GKAP1: variants seen among roughly 807,000 people sequenced by gnomAD.
The protein encoded by GKAP1 is G kinase-anchoring protein 1.
A neutral mutation model predicts 56.7 loss-of-function variants in GKAP1; 31 were observed. The ratio of observed to expected loss-of-function variants is 0.55; its 90% CI spans 0.41 to 0.74. The LOEUF is 0.74. Ranked by LOEUF, GKAP1 falls within the 30% of genes least tolerant of loss-of-function variation. The pLI is 0.00. For synonymous variants in GKAP1, 151 were observed against 138.6 expected (o/e 1.09, Z -0.63); for missense variants, 364 against 402.3 (o/e 0.90, Z 0.82).
chr9:83,806,279 G>T (rs1298251604), intron 3 of GKAP1, 23 bp downstream of exon 3: 9 of 1,458,020 alleles, frequency 6.2e-6, no homozygotes, highest in South Asian at 1.2e-5. Context: ...TGGGAAAGCA[G>T]ACAACACAGA....
At chr9:83,767,365 T>A (rs1362090674) in intron 8 of GKAP1, among the ~76,000 whole-genome samples, 1 of 148,060 alleles carries the variant, frequency 6.8e-6, no homozygotes, top group African/African-American at 2.5e-5. Flanking sequence ...TGTCACATAT[T>A]TTTTTTTTTT....
At chr9:83,802,512 T>C (rs900292528) in intron 3 of GKAP1, among the ~76,000 whole-genome samples, 1 of 147,918 alleles carries the variant, frequency 6.8e-6, no homozygotes, top group African/African-American at 2.5e-5. Context: ...GACCATCGAA[T>C]GCATAAAAAT....
Position 83,791,450 on chromosome 9 carries a change from T to A in GKAP1, c.361-2772A>T, listed in dbSNP as rs180833594. 1.2e-3 allele frequency among the ~76,000 whole-genome samples: 175 copies of A among 151,648 alleles called. 1 individual carries two copies. Among genetic ancestry groups the A allele is most frequent in the Non-Finnish European group, 4.9e-4 (33 of 67,878 alleles). ...AAATAGAAATTTTAAAGTAAAAACA[T>A]ATGGCCCTCCCAGCAACTGATTCTA... is the stretch of plus-strand genomic sequence containing the variant. On this transcript the variant is annotated intron_variant, in intron 4 of 12. Transcript: ENST00000376371.
At chr9:83,792,656 C>G (rs1018629835) in intron 4 of GKAP1, among the ~76,000 whole-genome samples, 1 of 152,132 alleles carries the variant, frequency 6.6e-6, no homozygotes, top group Non-Finnish European at 1.5e-5. Flanking sequence ...TCAAAATTCT[C>G]TAAACATATC....
Position 83,752,682 on chromosome 9 carries a change from T to C in GKAP1, c.840+576A>G, listed in dbSNP as rs530149592. ...TAAAGGTACTTAATGCCCCACTGAATTGTACACTTTAAATGGTTATGTTAT... is the reference window on the plus strand; with the variant it reads ...TAAAGGTACTTAATGCCCCACTGAACTGTACACTTTAAATGGTTATGTTAT... On this transcript the variant is annotated intron_variant, in intron 9 of 12. Transcript: ENST00000376371. Among the ~76,000 whole-genome samples, 6 of 152,208 alleles carry C rather than the reference T, an allele frequency of 3.9e-5. No individual in the cohort carries two copies. In the East Asian group the frequency reaches 9.6e-4, roughly 24 times the overall value.
chr9:83,770,891 A>C (rs1344652193), intron 7 of GKAP1, among the ~76,000 whole-genome samples: 1 of 152,056 alleles, frequency 6.6e-6, no homozygotes, highest in Non-Finnish European at 1.5e-5. Context: ...TTTTTATATA[A>C]ATTCCACATG....
chr9:83,806,384 A>G lies in GKAP1; in HGVS notation c.134T>C (p.Leu45Ser), dbSNP rs1944440352. ...KGRNTGKSQT[L>S]GSKSTTNEKK... Reference sequence around the variant, plus strand: ...CTCATTTGTAGTTGACTTGCTTCCTAAAGTTTGAGACTTTCCAGTATTTCG... The same window carrying G: ...CTCATTTGTAGTTGACTTGCTTCCTGAAGTTTGAGACTTTCCAGTATTTCG... Residue 45 changes from leucine (L) to serine (S), a missense_variant, in exon 3 of 13, where the codon TTA (leucine) becomes TCA (serine). Coordinates refer to ENST00000376371, the MANE Select transcript of GKAP1 (RefSeq NM_025211.4). 1.3e-6 allele frequency: 2 copies of G among 1,593,344 alleles called. No individual in the cohort carries two copies. Among genetic ancestry groups the G allele is most frequent in the Non-Finnish European group, 1.7e-6 (2 of 1,169,074 alleles).
intron 2 of GKAP1, among the ~76,000 whole-genome samples, chr9:83,812,004 A>G (rs1454796946): frequency 6.6e-6 from 1 of 152,112 alleles, no homozygotes; most frequent in Non-Finnish European, 1.5e-5. Context: ...AAGGAAATGT[A>G]ATTTTAAATG....
chr9:83,785,622 A>T (rs1944051346), intron 5 of GKAP1, among the ~76,000 whole-genome samples: 1 of 152,132 alleles, frequency 6.6e-6, no homozygotes, highest in South Asian at 2.1e-4. Context: ...CAGCCAATTA[A>T]CTACTAGGTC....
At chr9:83,769,032 C>A in intron 7 of GKAP1, 62 bp from the exon 8 acceptor site, 1 of 1,297,126 alleles carries the variant, frequency 7.7e-7, no homozygotes. Flanking sequence ...TTTAATACAC[C>A]TAGTCAACCA....
At chr9:83,762,408 T>C (rs1472654848) in intron 8 of GKAP1, among the ~76,000 whole-genome samples, 1 of 152,020 alleles carries the variant, frequency 6.6e-6, no homozygotes, top group Non-Finnish European at 1.5e-5. Flanking sequence ...GAAGAAGAGA[T>C]GACAAAATGG....
At chr9:83,745,133 C>T (rs1206873628) in intron 10 of GKAP1, among the ~76,000 whole-genome samples, 2 of 152,084 alleles carry the variant, frequency 1.3e-5, no homozygotes, top group Non-Finnish European at 2.9e-5. Flanking sequence ...TGGGCTCATG[C>T]AATCCTCCCA....
At chr9:83,812,095 G>T (rs1251671062) in intron 2 of GKAP1, among the ~76,000 whole-genome samples, 1 of 151,552 alleles carries the variant, frequency 6.6e-6, no homozygotes, top group Non-Finnish European at 1.5e-5. Flanking sequence ...CCAAAATGAA[G>T]AAAGAAATGC....
intron 3 of GKAP1, among the ~76,000 whole-genome samples, chr9:83,804,363 C>CG (rs1564214275): frequency 8.3e-6 from 1 of 119,762 alleles, no homozygotes; most frequent in Admixed American, 7.5e-5. Context: ...GTCAGCCCCC[C>CG]GCCCGGCCAG....
At chr9:83,796,740 T>C (rs1051198485) in intron 4 of GKAP1, among the ~76,000 whole-genome samples, 4 of 152,162 alleles carry the variant, frequency 2.6e-5, no homozygotes, top group Admixed American at 6.5e-5. Flanking sequence ...GTGCTGGGAT[T>C]ACAGGTGTGA....
intron 10 of GKAP1, among the ~76,000 whole-genome samples, chr9:83,745,647 A>G (rs1397900046): frequency 6.6e-6 from 1 of 152,210 alleles, no homozygotes; most frequent in East Asian, 1.9e-4. Flanking sequence ...TCATTTCTGC[A>G]CTTAGAAATA....
At chr9:83,756,553 G>C (rs1270106917) in intron 8 of GKAP1, among the ~76,000 whole-genome samples, 1 of 150,298 alleles carries the variant, frequency 6.7e-6, no homozygotes, top group Non-Finnish European at 1.5e-5. Context: ...AACTGAAAAA[G>C]TGGTCCATCT....
intron 7 of GKAP1, among the ~76,000 whole-genome samples, chr9:83,770,517 T>A (rs1321262864): frequency 6.6e-6 from 1 of 152,160 alleles, no homozygotes; most frequent in East Asian, 1.9e-4. Flanking sequence ...CAGTACCAGA[T>A]TGTCTTGATT....
chr9:83,745,181 C>T (rs1020231148), intron 10 of GKAP1, among the ~76,000 whole-genome samples: 1 of 152,038 alleles, frequency 6.6e-6, no homozygotes, highest in African/African-American at 2.4e-5. Context: ...TAGGCGTGCA[C>T]CACCATGCCA....
Sources: allele counts gnomAD v4.1 joint callset (sites outside exome capture counted in the v4.1 genomes callset), GRCh38; gene constraint gnomAD v4.1.1; transcripts MANE v1.5; gene names NCBI Gene and HGNC (gene_info 2026-07-23, HGNC 2026-07-21).